The following PCDH7 variants were observed in gnomAD, a reference collection of about 807,000 sequenced individuals.
PCDH7 encodes protocadherin-7.
Under a neutral mutation model 58.9 loss-of-function variants are expected in PCDH7, and 17 were observed. The observed-to-expected ratio is 0.29, with a 90% CI of 0.20 to 0.43. The LOEUF (loss-of-function observed/expected upper bound fraction) is 0.43. Among genes scored for constraint, PCDH7 ranks in the 20% least tolerant of loss-of-function variants. The pLI is 1.00. For synonymous variants in PCDH7, 664 were observed against 616.4 expected, an observed-to-expected ratio of 1.08 and a Z score of -1.14; for missense variants, 1,274 against 1,441.0, an observed-to-expected ratio of 0.88 and a Z score of 1.88.
At chr4:31,035,393 A>T (rs1435334426) in intron 3 of PCDH7, among the ~76,000 whole-genome samples, 1 of 151,770 alleles carries the variant, frequency 6.6e-6, no homozygotes. Context: ...AGCTAGGATT[A>T]TGGGCGTGTG....
intron 3 of PCDH7, among the ~76,000 whole-genome samples, chr4:31,047,465 G>T (rs762557866): frequency 2.0e-5 from 3 of 152,066 alleles, no homozygotes; most frequent in East Asian, 1.9e-4. Context: ...CATAGGAGCC[G>T]CCATCCCTGC....
chr4:31,056,945 T>C (rs924309275), intron 3 of PCDH7, among the ~76,000 whole-genome samples: 5 of 152,180 alleles, frequency 3.3e-5, no homozygotes, highest in African/African-American at 1.2e-4. Flanking sequence ...AATATGTATG[T>C]TTGTCAATGA....
At chr4:31,066,844 G>T (rs1401731052) in intron 3 of PCDH7, among the ~76,000 whole-genome samples, 1 of 151,816 alleles carries the variant, frequency 6.6e-6, no homozygotes, top group Non-Finnish European at 1.5e-5. Context: ...AAAAAGGGGT[G>T]CATGAACATT....
At chr4:30,835,188 C>T (rs1223555601) in intron 1 of PCDH7, among the ~76,000 whole-genome samples, 1 of 152,004 alleles carries the variant, frequency 6.6e-6, no homozygotes, top group Non-Finnish European at 1.5e-5. Context: ...TTCCCGGGAG[C>T]GCAGAGTCAG....
At chr4:31,004,432 G>A (rs1297687464) in intron 3 of PCDH7, among the ~76,000 whole-genome samples, 1 of 151,920 alleles carries the variant, frequency 6.6e-6, no homozygotes, top group East Asian at 1.9e-4. Flanking sequence ...ACATAAGGCC[G>A]GGCGTGGTGG....
At chr4:31,042,561 C>A (rs539178478) in intron 3 of PCDH7, among the ~76,000 whole-genome samples, 1 of 152,024 alleles carries the variant, frequency 6.6e-6, no homozygotes, top group South Asian at 2.1e-4. Context: ...TAAGTTAACT[C>A]CTAACTTAGT....
chr4:30,838,507 C>T (rs1337056372), intron 1 of PCDH7, among the ~76,000 whole-genome samples: 1 of 151,886 alleles, frequency 6.6e-6, no homozygotes, highest in Non-Finnish European at 1.5e-5. Context: ...TTTTTTTCCC[C>T]CTTTTAAAAT....
chr4:31,012,499 G>A (rs1753273057), intron 3 of PCDH7, among the ~76,000 whole-genome samples: 1 of 150,012 alleles, frequency 6.7e-6, no homozygotes, highest in Admixed American at 6.7e-5. Flanking sequence ...TAGGCATTGG[G>A]TACAAGGTAC....
chr4:30,869,469 T>C (rs1489840877), intron 1 of PCDH7, among the ~76,000 whole-genome samples: 5 of 152,076 alleles, frequency 3.3e-5, no homozygotes, highest in Non-Finnish European at 4.4e-5. Context: ...GTGTGTGATG[T>C]TCACCTCCCT....
At chr4:30,923,839 A>G (rs1184216707) in intron 2 of PCDH7, among the ~76,000 whole-genome samples, 2 of 152,154 alleles carry the variant, frequency 1.3e-5, no homozygotes, top group Non-Finnish European at 2.9e-5. Context: ...GAAATTGGTT[A>G]TTTGTTTCAT....
chr4:30,893,612 T>A (rs1738899198), intron 1 of PCDH7, among the ~76,000 whole-genome samples: 1 of 152,102 alleles, frequency 6.6e-6, no homozygotes, highest in Non-Finnish European at 1.5e-5. Context: ...ACATGTGAGG[T>A]CTGAAAGATT....
chr4:30,816,171 G>C (rs1727645655), intron 1 of PCDH7, among the ~76,000 whole-genome samples: 2 of 151,934 alleles, frequency 1.3e-5, no homozygotes. Flanking sequence ...AATATATCTA[G>C]TTAAATTAGG....
intron 3 of PCDH7, among the ~76,000 whole-genome samples, chr4:31,129,197 C>A (rs765123460): frequency 1.3e-5 from 2 of 152,086 alleles, no homozygotes; most frequent in East Asian, 3.9e-4. Context: ...CAGAAAAGGT[C>A]ATATGAATAG....
intron 1 of PCDH7, among the ~76,000 whole-genome samples, chr4:30,865,350 G>A (rs1259676394): frequency 6.6e-6 from 1 of 151,986 alleles, no homozygotes; most frequent in Admixed American, 6.6e-5. Flanking sequence ...AGGAAGGGGG[G>A]CTTTTAATAA....
At chr4:31,048,954 A>G (rs1309314087) in intron 3 of PCDH7, among the ~76,000 whole-genome samples, 3 of 152,162 alleles carry the variant, frequency 2.0e-5, no homozygotes, top group Admixed American at 2.0e-4. Context: ...GTATAATTCA[A>G]CTGTAAACCA....
At chr4:30,989,678 C>T (rs1751288899) in intron 3 of PCDH7, among the ~76,000 whole-genome samples, 7 of 152,108 alleles carry the variant, frequency 4.6e-5, no homozygotes, top group Admixed American at 3.9e-4. Flanking sequence ...GTCTAACACT[C>T]AATGAGTTAG....
chr4:30,956,773 C>A (rs1315127912), intron 3 of PCDH7, among the ~76,000 whole-genome samples: 4 of 152,000 alleles, frequency 2.6e-5, no homozygotes, highest in South Asian at 2.1e-4. Flanking sequence ...TCAGAGTAAC[C>A]AAATTTACTG....
At chr4:31,101,442 G>A (rs1227494357) in intron 3 of PCDH7, among the ~76,000 whole-genome samples, 2 of 152,098 alleles carry the variant, frequency 1.3e-5, no homozygotes, top group Non-Finnish European at 2.9e-5. Context: ...AGACAATTTG[G>A]AGGACGTGTG....
intron 1 of PCDH7, among the ~76,000 whole-genome samples, chr4:30,804,534 TAAA>T (rs200449475): frequency 3.2e-5 from 4 of 125,814 alleles, no homozygotes; most frequent in Non-Finnish European, 3.4e-5. Context: ...CAAGACTATC[TAAA>T]AAAAAAAAAA....
Sources: allele counts gnomAD v4.1 joint callset (sites outside exome capture counted in the v4.1 genomes callset), GRCh38; gene constraint gnomAD v4.1.1; transcripts MANE v1.5; gene names NCBI Gene and HGNC (gene_info 2026-07-23, HGNC 2026-07-21).